Variants in RANBP2 observed in about 807,000 individuals in gnomAD.
RANBP2 encodes RAN binding protein 2, also known as E3 SUMO-protein ligase RanBP2.
Under a neutral mutation model 303.6 loss-of-function variants are expected in RANBP2, and 57 were observed. That is an observed-to-expected ratio of 0.19 (90% CI 0.15 to 0.23). The LOEUF is 0.23. RANBP2 is among the 10% of genes least tolerant of loss of function. The probability of loss-of-function intolerance (pLI) is 1.00; values close to 1 mark genes in which losing one functional copy is unlikely to be tolerated. For synonymous variants in RANBP2, 1,167 were observed against 1,301.5 expected, an observed-to-expected ratio of 0.90 and a Z score of 2.23; for missense variants, 3,138 against 3,780.8, an observed-to-expected ratio of 0.83 and a Z score of 4.46.
At chr2:108,905,963 A>G in the RANBP2 span, among the ~76,000 whole-genome samples, 1 of 152,108 alleles carries the variant, frequency 6.6e-6, no homozygotes, top group Non-Finnish European at 1.5e-5. Context: ...TTCCCAGATG[A>G]TGATGCCAGT....
chr2:109,426,927 A>T, the RANBP2 span, among the ~76,000 whole-genome samples: 1 of 152,084 alleles, frequency 6.6e-6, no homozygotes, highest in Non-Finnish European at 1.5e-5. Context: ...TAACTCCCTG[A>T]AGGCTCAGAT....
the RANBP2 span, among the ~76,000 whole-genome samples, chr2:109,582,083 C>G: frequency 3.6e-5 from 1 of 28,104 alleles, no homozygotes; most frequent in Non-Finnish European, 1.0e-4. Context: ...CAGACACACA[C>G]ACACACACAC....
At chr2:109,372,905 A>C in the RANBP2 span, among the ~76,000 whole-genome samples, 1 of 152,232 alleles carries the variant, frequency 6.6e-6, no homozygotes, top group Non-Finnish European at 1.5e-5. Flanking sequence ...GTTTGTTTAA[A>C]ACATCTGTCA....
the RANBP2 span, among the ~76,000 whole-genome samples, chr2:109,161,986 G>A: frequency 2.0e-4 from 31 of 152,232 alleles, no homozygotes; most frequent in Non-Finnish European, 3.8e-4. Context: ...TGTCTAAAGC[G>A]TAGATGGTGT....
the RANBP2 span, among the ~76,000 whole-genome samples, chr2:109,084,092 T>C: frequency 6.6e-6 from 1 of 152,186 alleles, no homozygotes; most frequent in Non-Finnish European, 1.5e-5. Context: ...GTTAGGTTCC[T>C]GGCACAGCTT....
chr2:109,636,110 C>A, the RANBP2 span, among the ~76,000 whole-genome samples: 1 of 152,168 alleles, frequency 6.6e-6, no homozygotes, highest in African/African-American at 2.4e-5. Context: ...AGGAAGTGAG[C>A]CCTTACCAGA....
chr2:109,128,994 G>T, the RANBP2 span: 4 of 425,798 alleles, frequency 9.4e-6, no homozygotes, highest in African/African-American at 4.2e-5. Flanking sequence ...ACGTGCTCGC[G>T]GCCGAGGAAG....
chr2:108,926,632 C>T, the RANBP2 span, among the ~76,000 whole-genome samples: 12 of 152,350 alleles, frequency 7.9e-5, no homozygotes, highest in African/African-American at 2.4e-4. Context: ...TAACCTCTCT[C>T]TCCCCCTTTC....
chr2:108,966,842 G>C, the RANBP2 span, among the ~76,000 whole-genome samples: 1 of 152,192 alleles, frequency 6.6e-6, no homozygotes, highest in Non-Finnish European at 1.5e-5. Context: ...TGCTGAGTAG[G>C]ACAAACAACT....
At chr2:109,730,848 G>T in the RANBP2 span, among the ~76,000 whole-genome samples, 1 of 145,976 alleles carries the variant, frequency 6.9e-6, no homozygotes, top group Admixed American at 7.1e-5. Flanking sequence ...GAGTGCAGTG[G>T]CGCAATCTCA....
At chr2:108,872,499 C>G in the RANBP2 span, among the ~76,000 whole-genome samples, 5 of 152,200 alleles carry the variant, frequency 3.3e-5, no homozygotes, top group African/African-American at 1.2e-4. Flanking sequence ...GCATATACCA[C>G]TTAGTCTGTT....
chr2:108,928,399 A>G, the RANBP2 span, among the ~76,000 whole-genome samples: 1 of 152,054 alleles, frequency 6.6e-6, no homozygotes, highest in Admixed American at 6.6e-5. Flanking sequence ...AGTGTGCCTT[A>G]TGCACTAAGC....
the RANBP2 span, among the ~76,000 whole-genome samples, chr2:109,649,185 G>A: frequency 1.3e-3 from 202 of 152,132 alleles, no homozygotes; most frequent in African/African-American, 4.7e-3. Flanking sequence ...TTTAAAGAAT[G>A]AGAAAAAGCA....
the RANBP2 span, among the ~76,000 whole-genome samples, chr2:108,825,657 A>G: frequency 1.3e-5 from 2 of 152,172 alleles, no homozygotes; most frequent in Non-Finnish European, 2.9e-5. Flanking sequence ...TTATTACCAA[A>G]TAATCTATAA....
At chr2:109,113,282 C>T in the RANBP2 span, among the ~76,000 whole-genome samples, 1 of 151,880 alleles carries the variant, frequency 6.6e-6, no homozygotes, top group Non-Finnish European at 1.5e-5. Context: ...AATGTTCTTC[C>T]ATTTGTTTGT....
the RANBP2 span, among the ~76,000 whole-genome samples, chr2:108,935,906 G>A: frequency 1.3e-5 from 2 of 152,144 alleles, no homozygotes; most frequent in African/African-American, 4.8e-5. Context: ...TCCTCTCTGA[G>A]CTGCTCGCCT....
intron 28 of RANBP2, 89 bp downstream of exon 28, chr2:108,782,951 C>T: frequency 8.4e-7 from 1 of 1,193,604 alleles, no homozygotes; most frequent in Non-Finnish European, 1.2e-6. Context: ...TTGACCTCAT[C>T]CTGTAGTTTT....
the RANBP2 span, among the ~76,000 whole-genome samples, chr2:109,116,734 GCT>G: frequency 6.6e-6 from 1 of 152,294 alleles, no homozygotes; most frequent in Non-Finnish European, 1.5e-5. Flanking sequence ...CAGTTTTTCT[GCT>G]CTGTTTTTTC....
chr2:109,028,326 T>C, the RANBP2 span, among the ~76,000 whole-genome samples: 2 of 152,144 alleles, frequency 1.3e-5, no homozygotes, highest in African/African-American at 4.8e-5. Context: ...TAAACCATAA[T>C]TGACACCTGA....
Sources: gnomAD v4.1 joint callset for allele counts (sites outside exome capture counted in the v4.1 genomes callset) on GRCh38, gnomAD v4.1.1 for gene constraint, MANE v1.5 for transcripts, NCBI Gene and HGNC (gene_info 2026-07-23, HGNC 2026-07-21) for gene names.